OGDH: variants seen among roughly 807,000 people sequenced by gnomAD.
The protein encoded by OGDH is 2-oxoglutarate dehydrogenase complex component E1.
In OGDH, 38 loss-of-function variants were observed where a neutral mutation model predicts 116.6. That is an observed-to-expected ratio of 0.33 (90% confidence interval 0.25 to 0.43). The LOEUF is 0.43. OGDH is among the 20% of genes least tolerant of loss of function. The probability of loss-of-function intolerance (pLI) is 1.00; values close to 1 mark genes in which losing one functional copy is unlikely to be tolerated. For missense variants in OGDH, 825 were observed against 1,357.2 expected (o/e 0.61, Z 6.16); for synonymous variants, 488 against 533.3 (o/e 0.92, Z 1.17).
chr7:44,705,683 G>A (rs138557322), intron 20 of OGDH, among the ~76,000 whole-genome samples: 73 of 152,222 alleles, frequency 4.8e-4, no homozygotes, highest in Middle Eastern at 3.4e-3. Context: ...GATTACATGT[G>A]TGAGCCACTG....
chr7:44,620,544 C>T (rs751431593), intron 1 of OGDH, among the ~76,000 whole-genome samples: 13 of 152,198 alleles, frequency 8.5e-5, no homozygotes, highest in Admixed American at 2.0e-4. Context: ...CCTCTTTAGA[C>T]GTGGAACTCT....
intron 20 of OGDH, among the ~76,000 whole-genome samples, chr7:44,704,047 G>A (rs565049243): frequency 6.6e-6 from 1 of 152,324 alleles, no homozygotes; most frequent in Non-Finnish European, 1.5e-5. Context: ...TTGAGTCCCT[G>A]CTTTCAGTTC....
chr7:44,693,578 A>G (rs1282994450), intron 10 of OGDH, among the ~76,000 whole-genome samples: 1 of 152,230 alleles, frequency 6.6e-6, no homozygotes, highest in Non-Finnish European at 1.5e-5. Context: ...TAGCCTGTGG[A>G]ATTATAGGTA....
At chr7:44,662,661 C>T (rs1203372164) in intron 4 of OGDH, among the ~76,000 whole-genome samples, 1 of 152,060 alleles carries the variant, frequency 6.6e-6, no homozygotes, top group Non-Finnish European at 1.5e-5. Context: ...TGGGGTTTCA[C>T]CATGTTGGTC....
At chr7:44,615,621 T>C (rs1323428187) in intron 1 of OGDH, among the ~76,000 whole-genome samples, 2 of 152,194 alleles carry the variant, frequency 1.3e-5, no homozygotes, top group African/African-American at 4.8e-5. Flanking sequence ...CTTTTCCTGG[T>C]CCTTTGGCTA....
chr7:44,701,779 A>T (rs1393370170), intron 20 of OGDH, among the ~76,000 whole-genome samples, 164 bp downstream of exon 20: 3 of 152,180 alleles, frequency 2.0e-5, no homozygotes, highest in Non-Finnish European at 4.4e-5. Flanking sequence ...ACAGTGGCTC[A>T]CGCCTGTAAT....
intron 5 of OGDH, among the ~76,000 whole-genome samples, chr7:44,670,204 T>C (rs538467485): frequency 7.6e-4 from 115 of 152,226 alleles, no homozygotes; most frequent in Non-Finnish European, 1.5e-3. Flanking sequence ...AACCCAATAG[T>C]TTCTTCTGTT....
chr7:44,700,049 A>G lies in OGDH; in HGVS notation c.2431-92A>G, dbSNP rs148525650. 5,659 of 1,374,676 alleles carry G rather than the reference A, an allele frequency of 4.1e-3. 18 individuals carry two copies. The highest frequency in any genetic ancestry group is 5.2e-3 in the Non-Finnish European group (5,116 of 989,572). The allele number at this position is 1,374,676 out of a possible 1,614,324, so 85.2% of individuals were successfully genotyped here. A position where few individuals can be genotyped will look rare whatever the true frequency, so the allele number is the denominator to read the frequency against. On this transcript the variant is annotated intron_variant, in intron 18 of 22. Transcript: ENST00000222673. ...TCAACATGAGATTTGGGCAGGGACA[A>G]ATATCCAAACTAGATCACCTGAGGG...
At chr7:44,703,762 G>A (rs1354294112) in intron 20 of OGDH, among the ~76,000 whole-genome samples, 2 of 151,832 alleles carry the variant, frequency 1.3e-5, no homozygotes, top group Non-Finnish European at 2.9e-5. Context: ...GCGCATACCT[G>A]TAATCCCAGC....
chr7:44,700,700 C>T (rs777520187), intron 19 of OGDH, among the ~76,000 whole-genome samples: 24 of 152,046 alleles, frequency 1.6e-4, no homozygotes, highest in Non-Finnish European at 2.8e-4. Context: ...TGGAGGGATA[C>T]GTTGGAGAAG....
rs141665450 is a variant in OGDH at position 44,659,253 on chromosome 7, G to A, written c.518-7483G>A. Among the ~76,000 whole-genome samples, 326 of 152,234 alleles carry A rather than the reference G, an allele frequency of 2.1e-3. 2 individuals carry two copies. Among genetic ancestry groups the A allele is most frequent in the African/African-American group, 7.6e-3 (316 of 41,544 alleles). On this transcript the variant is annotated intron_variant, in intron 4 of 22. Transcript: ENST00000222673. ...ATTATTCAACCAGCCTTGGATTAGT[G>A]GAATAAACACCATTTGATCATGGTA...
rs755538424 is a variant in OGDH, at chr7:44,697,035, C to T, written c.2022C>T (p.Ser674=). ...LLKEGIHIRL[S]GQDVERGTFS... is the part of the protein sequence containing the mutation. ...AGGAGGGCATCCACATTCGGCTGAG[C>T]GGCCAGGACGTGGAGCGGGGCACAT... is the stretch of plus-strand genomic sequence containing the variant. The change falls in exon 15 of 23, where the codon AGC becomes AGT. Residue 674 remains serine, a synonymous_variant. Coordinates refer to ENST00000222673, the MANE Select transcript of OGDH (RefSeq NM_002541.4). This position sits in a 1 kb window ranked among gnomAD's most constrained non-coding sequence, Gnocchi z 6.0. 20 of 1,613,998 alleles carry T rather than the reference C, an allele frequency of 1.2e-5. No individual in the cohort carries two copies. Among genetic ancestry groups the T allele is most frequent in the South Asian group, 3.3e-5 (3 of 91,090 alleles).
chr7:44,654,857 C>T lies in OGDH; in HGVS notation c.517+7098C>T, dbSNP rs187621711. 2.6e-4 allele frequency among the ~76,000 whole-genome samples: 39 copies of T among 152,262 alleles called. No individual in the cohort carries two copies. In the East Asian group the frequency reaches 7.0e-3, roughly 27 times the overall value. ...ACTGTGGCCAAATCTCCATCCGCTC[C>T]CTCTCTCCTCCCTCACAGCACCTGC... On this transcript the variant is annotated intron_variant, in intron 4 of 22. Coordinates refer to ENST00000222673, the MANE Select transcript of OGDH (RefSeq NM_002541.4).
chr7:44,623,615 CA>C (rs1785085287), intron 1 of OGDH, among the ~76,000 whole-genome samples: 1 of 77,170 alleles, frequency 1.3e-5, no homozygotes. Flanking sequence ...GTATGTTTAT[CA>C]TCTTAGCCCT....
At chr7:44,618,341 T>C (rs576581845) in intron 1 of OGDH, among the ~76,000 whole-genome samples, 2 of 152,314 alleles carry the variant, frequency 1.3e-5, no homozygotes, top group South Asian at 4.1e-4. Flanking sequence ...CAATCTAGTT[T>C]TAGAGCATTT....
intron 4 of OGDH, among the ~76,000 whole-genome samples, chr7:44,653,338 C>T (rs148570889): frequency 2.0e-5 from 3 of 152,158 alleles, no homozygotes; most frequent in Admixed American, 6.5e-5. Context: ...AGTGAGTCGC[C>T]CGTCTCGGAC....
At chr7:44,629,831 C>T (rs553800983) in intron 2 of OGDH, among the ~76,000 whole-genome samples, 9 of 152,178 alleles carry the variant, frequency 5.9e-5, no homozygotes, top group South Asian at 2.1e-4. Context: ...CCGACCGCCT[C>T]GGCCTCCCAA....
At chr7:44,701,645 G>C (rs754196712) in intron 20 of OGDH, 30 bp downstream of exon 20, 1 of 1,598,738 alleles carries the variant, frequency 6.3e-7, no homozygotes. Flanking sequence ...GCATTTCCTT[G>C]GGGGAAGCTA....
chr7:44,667,122 A>AT (rs1488961998), intron 5 of OGDH, among the ~76,000 whole-genome samples: 1 of 151,386 alleles, frequency 6.6e-6, no homozygotes, highest in African/African-American at 2.4e-5. Flanking sequence ...TTTTTTTTTA[A>AT]TTTTTTATTG....
Sources: gnomAD v4.1 joint callset for allele counts (sites outside exome capture counted in the v4.1 genomes callset) on GRCh38, gnomAD v4.1.1 for gene constraint, Gnocchi (gnomAD v3.1) non-coding constraint, MANE v1.5 for transcripts, NCBI Gene and HGNC (gene_info 2026-07-23, HGNC 2026-07-21) for gene names.